APP: variants seen among roughly 807,000 people sequenced by gnomAD.
APP encodes the protein amyloid beta precursor protein, also known as amyloid-beta precursor protein.
Under a neutral mutation model 101.4 loss-of-function variants are expected in APP, and 31 were observed. The observed-to-expected ratio is 0.31, with a 90% confidence interval of 0.23 to 0.41. APP has a LOEUF of 0.41. Ranked by LOEUF, APP falls within the 10% of genes least tolerant of loss-of-function variation. The pLI is 1.00. For synonymous variants in APP, 366 were observed against 364.4 expected, an observed-to-expected ratio of 1.00 and a Z score of -0.05; for missense variants, 839 against 1,003.7, an observed-to-expected ratio of 0.84 and a Z score of 2.22.
intron 17 of APP, among the ~76,000 whole-genome samples, chr21:25,889,815 C>G (rs1349597986): frequency 6.6e-6 from 1 of 151,918 alleles, no homozygotes; most frequent in Non-Finnish European, 1.5e-5. Flanking sequence ...CCACTGCACT[C>G]CAGCCTGGGT....
At chr21:26,140,455 A>C in intron 1 of APP, 3 of 1,046,810 alleles carry the variant, frequency 2.9e-6, no homozygotes, top group Non-Finnish European at 3.9e-6. Context: ...AAGCCTCCGG[A>C]ACTCTGTCTT....
At chr21:26,040,445 T>C (rs2045321724) in intron 5 of APP, among the ~76,000 whole-genome samples, 1 of 151,834 alleles carries the variant, frequency 6.6e-6, no homozygotes. Flanking sequence ...CTACTAAAAA[T>C]ACAAAAATTA....
At chr21:26,146,819 A>G (rs2063164956) in intron 1 of APP, among the ~76,000 whole-genome samples, 1 of 152,234 alleles carries the variant, frequency 6.6e-6, no homozygotes, top group African/African-American at 2.4e-5. Flanking sequence ...ATGGAATAAA[A>G]AAGTTTGCCT....
At chr21:26,069,786 A>G (rs2046602018) in intron 3 of APP, among the ~76,000 whole-genome samples, 1 of 152,168 alleles carries the variant, frequency 6.6e-6, no homozygotes, top group East Asian at 1.9e-4. Context: ...CCAAATAAAA[A>G]CCTCCAAGAA....
intron 5 of APP, among the ~76,000 whole-genome samples, chr21:26,038,413 G>C (rs1231889130): frequency 6.6e-6 from 1 of 152,084 alleles, no homozygotes; most frequent in Non-Finnish European, 1.5e-5. Context: ...GAGCCCCAAG[G>C]AGAGTCTTTG....
At chr21:26,088,966 A>T (rs556761698) in intron 3 of APP, among the ~76,000 whole-genome samples, 134 of 152,348 alleles carry the variant, frequency 8.8e-4, no homozygotes, top group Non-Finnish European at 1.6e-3. Flanking sequence ...CTCTTAGGAC[A>T]TTCATTTTTG....
At chr21:26,005,484 C>G (rs529468817) in intron 6 of APP, among the ~76,000 whole-genome samples, 7 of 152,258 alleles carry the variant, frequency 4.6e-5, no homozygotes, top group African/African-American at 1.7e-4. Flanking sequence ...CTAACCTTGT[C>G]TCTTTACTTG....
chr21:26,145,454 G>A (rs573443297), intron 1 of APP, among the ~76,000 whole-genome samples: 4 of 152,244 alleles, frequency 2.6e-5, no homozygotes, highest in African/African-American at 9.6e-5. Context: ...TTGTGCTCCT[G>A]TGAGAATCTA....
intron 1 of APP, among the ~76,000 whole-genome samples, chr21:26,114,144 T>C (rs964686880): frequency 6.6e-6 from 1 of 152,232 alleles, no homozygotes; most frequent in African/African-American, 2.4e-5. Flanking sequence ...AGTCTCCTCC[T>C]CTGCCTCAAA....
intron 2 of APP, among the ~76,000 whole-genome samples, chr21:26,105,068 CAAAAA>C (rs10579923): frequency 5.4e-5 from 6 of 110,496 alleles, no homozygotes; most frequent in South Asian, 5.8e-4. Flanking sequence ...GCATTTTTTT[CAAAAA>C]AAAAAAAAAA....
intron 3 of APP, among the ~76,000 whole-genome samples, chr21:26,056,263 C>T (rs1285773926): frequency 6.6e-6 from 1 of 152,170 alleles, no homozygotes; most frequent in African/African-American, 2.4e-5. Context: ...GTCTCGAACT[C>T]CTAGGCTCAA....
chr21:26,094,485 C>T (rs2061897402), intron 2 of APP, among the ~76,000 whole-genome samples: 1 of 151,480 alleles, frequency 6.6e-6, no homozygotes, highest in Non-Finnish European at 1.5e-5. Context: ...AATATCATCC[C>T]TAGGTTTTTA....
chr21:25,963,114 C>T (rs2041653571), intron 11 of APP, among the ~76,000 whole-genome samples: 1 of 152,106 alleles, frequency 6.6e-6, no homozygotes, highest in African/African-American at 2.4e-5. Context: ...GCCCCTGGTG[C>T]TAGTACATTT....
In APP at chr21:26,013,395, G is replaced by A. The variant is rs527989377; in HGVS notation, c.865+8445C>T. 9.0e-4 allele frequency among the ~76,000 whole-genome samples: 137 copies of A among 151,928 alleles called. 1 individual carries two copies. The highest frequency in any genetic ancestry group is 2.2e-3 in the Admixed American group (34 of 15,258). Reference sequence around the variant, plus strand: ...ATGAACCTGAACCTCTGAGTTGCTGGATTTCTTCTTTGAGGTTTGATTTTT... The same window carrying A: ...ATGAACCTGAACCTCTGAGTTGCTGAATTTCTTCTTTGAGGTTTGATTTTT... On this transcript the variant is annotated intron_variant, in intron 6 of 17. Transcript: ENST00000346798.
intron 13 of APP, among the ~76,000 whole-genome samples, chr21:25,933,354 C>T (rs1449419050): frequency 1.3e-5 from 2 of 152,214 alleles, no homozygotes; most frequent in Non-Finnish European, 2.9e-5. Flanking sequence ...TTTCCCACCT[C>T]GGCCTTCCCA....
intron 15 of APP, among the ~76,000 whole-genome samples, chr21:25,901,682 A>G (rs1291645929): frequency 1.3e-5 from 2 of 152,216 alleles, no homozygotes; most frequent in East Asian, 3.8e-4. Flanking sequence ...TTGCAGGCTT[A>G]CTTAGAGGTC....
rs145808476 is a variant in APP, at chr21:26,109,023, G to A, written c.225+2956C>T. ...GTTTTGGCCCTTTCTTACTTATGGC[G>A]CCTAATGTTGAAGAATCTGGCTGGT... On this transcript the variant is annotated intron_variant, in intron 2 of 17. Coordinates refer to ENST00000346798, the MANE Select transcript of APP (RefSeq NM_000484.4). Among the ~76,000 whole-genome samples the A allele has an allele frequency of 2.1e-3, 319 of 152,274 alleles. 1 individual carries two copies. Among genetic ancestry groups the A allele is most frequent in the African/African-American group, 7.5e-3 (311 of 41,560 alleles).
intron 5 of APP, among the ~76,000 whole-genome samples, chr21:26,023,678 G>A (rs1355408776): frequency 1.3e-5 from 2 of 152,266 alleles, no homozygotes; most frequent in African/African-American, 4.8e-5. Context: ...ATTCCAGCCA[G>A]GGAGACAAAG....
At chr21:26,098,144 A>G (rs562511688) in intron 2 of APP, among the ~76,000 whole-genome samples, 36 of 147,748 alleles carry the variant, frequency 2.4e-4, no homozygotes, top group African/African-American at 8.3e-4. Context: ...ACCAGGAAAG[A>G]GGGGGAATAG....
Sources: gnomAD v4.1 joint callset for allele counts (sites outside exome capture counted in the v4.1 genomes callset) on GRCh38, gnomAD v4.1.1 for gene constraint, MANE v1.5 for transcripts, NCBI Gene and HGNC (gene_info 2026-07-23, HGNC 2026-07-21) for gene names.